CLSTN2: variants seen among roughly 807,000 people sequenced by gnomAD.
CLSTN2 encodes calsyntenin-2.
CLSTN2 carries 48 observed loss-of-function variants against 101.2 expected under a neutral mutation model. That is an observed-to-expected ratio of 0.47 (90% CI 0.38 to 0.60). CLSTN2 has a LOEUF of 0.60. Among genes scored for constraint, CLSTN2 ranks in the 20% least tolerant of loss-of-function variants. The pLI is 0.00. For synonymous variants in CLSTN2, 481 were observed against 463.6 expected, an observed-to-expected ratio of 1.04 and a Z score of -0.48; for missense variants, 1,160 against 1,238.2, an observed-to-expected ratio of 0.94 and a Z score of 0.95.
intron 1 of CLSTN2, among the ~76,000 whole-genome samples, chr3:140,008,232 T>C (rs1429374629): frequency 6.6e-6 from 1 of 152,230 alleles, no homozygotes; most frequent in Non-Finnish European, 1.5e-5. Flanking sequence ...CTGTGCTTCC[T>C]CAAGGGAATA....
At chr3:140,434,880 A>G (rs2088670975) in intron 5 of CLSTN2, among the ~76,000 whole-genome samples, 1 of 151,688 alleles carries the variant, frequency 6.6e-6, no homozygotes, top group Non-Finnish European at 1.5e-5. Context: ...TTTATCTTGA[A>G]TATATTTTTG....
intron 1 of CLSTN2, among the ~76,000 whole-genome samples, chr3:140,112,703 C>T (rs1006688472): frequency 6.6e-6 from 1 of 152,112 alleles, no homozygotes; most frequent in Non-Finnish European, 1.5e-5. Flanking sequence ...AGGATGAACC[C>T]GTGCTGAGAC....
At chr3:140,496,220 G>C (rs1323663450) in intron 8 of CLSTN2, among the ~76,000 whole-genome samples, 1 of 151,968 alleles carries the variant, frequency 6.6e-6, no homozygotes, top group Non-Finnish European at 1.5e-5. Context: ...TATTCTCTTT[G>C]TAGCAATTGT....
intron 2 of CLSTN2, among the ~76,000 whole-genome samples, chr3:140,345,899 T>A (rs776041540): frequency 2.6e-5 from 4 of 152,220 alleles, no homozygotes; most frequent in Non-Finnish European, 5.9e-5. Context: ...CTGTGAATGA[T>A]CATTCTGAAG....
intron 2 of CLSTN2, among the ~76,000 whole-genome samples, chr3:140,331,111 A>C (rs766787239): frequency 1.6e-4 from 25 of 152,202 alleles, no homozygotes; most frequent in Non-Finnish European, 2.8e-4. Flanking sequence ...TGCAGCCCTC[A>C]GTCTGAGGCT....
intron 1 of CLSTN2, among the ~76,000 whole-genome samples, chr3:139,993,114 G>A (rs1219704518): frequency 5.3e-5 from 8 of 152,002 alleles, no homozygotes; most frequent in African/African-American, 1.9e-4. Flanking sequence ...GGGAGGGGGC[G>A]GTCAGTCACT....
rs906292939 is a variant in CLSTN2, at chr3:140,261,759, C to T, written c.232+85686C>T. 7.9e-5 allele frequency among the ~76,000 whole-genome samples: 12 copies of T among 152,138 alleles called. No individual in the cohort carries two copies. The East Asian group carries it at 2.3e-3, about 29-fold the overall frequency. ...GCTAAACATGAGTTTGTACTGATGT[C>T]TTCCATTCTAATGCACTAACACATG... On this transcript the variant is annotated intron_variant, in intron 2 of 16. Transcript: ENST00000458420.
intron 2 of CLSTN2, among the ~76,000 whole-genome samples, chr3:140,212,482 A>G (rs1380311934): frequency 6.6e-6 from 1 of 152,212 alleles, no homozygotes; most frequent in African/African-American, 2.4e-5. Context: ...TGTAAGTAGA[A>G]TGCCTATAGG....
chr3:140,550,308 G>C (rs889557890), intron 10 of CLSTN2, among the ~76,000 whole-genome samples: 13 of 151,400 alleles, frequency 8.6e-5, no homozygotes, highest in African/African-American at 3.2e-4. Flanking sequence ...GGGTAGCATG[G>C]GGAAGATGGG....
At chr3:140,064,318 T>C (rs1177416785) in intron 1 of CLSTN2, among the ~76,000 whole-genome samples, 1 of 152,222 alleles carries the variant, frequency 6.6e-6, no homozygotes, top group Non-Finnish European at 1.5e-5. Context: ...TCTGGTTTCA[T>C]TGCTAATTAT....
chr3:139,969,407 T>G (rs1935656270), intron 1 of CLSTN2, among the ~76,000 whole-genome samples: 1 of 152,204 alleles, frequency 6.6e-6, no homozygotes, highest in African/African-American at 2.4e-5. Context: ...ATCAGTTTCT[T>G]TCTACAGTAG....
intron 1 of CLSTN2, among the ~76,000 whole-genome samples, chr3:140,062,087 G>A (rs1239208994): frequency 6.6e-6 from 1 of 152,148 alleles, no homozygotes; most frequent in Non-Finnish European, 1.5e-5. Context: ...AATTTCAGGT[G>A]AGAACTCAGC....
rs2008884369 is a variant in CLSTN2, at chr3:140,097,236, G to A, written c.110-78715G>A. On this transcript the variant is annotated intron_variant, in intron 1 of 16. Transcript: ENST00000458420. ...GAAGATGCTGAGCCTCAGAGGGTTT[G>A]GGTGACTTATGGAAGATCACAGAAT... 2.0e-5 allele frequency among the ~76,000 whole-genome samples: 3 copies of A among 152,098 alleles called. No individual in the cohort carries two copies. The South Asian group carries it at 6.2e-4, about 32-fold the overall frequency.
chr3:140,339,827 A>G (rs1025302875), intron 2 of CLSTN2, among the ~76,000 whole-genome samples: 1 of 152,312 alleles, frequency 6.6e-6, no homozygotes, highest in Admixed American at 6.5e-5. Flanking sequence ...ATTTGTTCTT[A>G]GTGTTCTTAT....
intron 1 of CLSTN2, among the ~76,000 whole-genome samples, chr3:140,092,932 A>AGGATGAG (rs1256782245): frequency 6.6e-6 from 1 of 152,168 alleles, no homozygotes; most frequent in African/African-American, 2.4e-5. Flanking sequence ...GCCAAGAACA[A>AGGATGAG]GGATGAGGGG....
chr3:139,949,223 C>A (rs999070512), intron 1 of CLSTN2, among the ~76,000 whole-genome samples: 1 of 152,206 alleles, frequency 6.6e-6, no homozygotes, highest in African/African-American at 2.4e-5. Flanking sequence ...CACTAGATTG[C>A]GTTCCTTCTT....
At chr3:140,051,542 TG>T (rs1056168731) in intron 1 of CLSTN2, among the ~76,000 whole-genome samples, 4 of 152,192 alleles carry the variant, frequency 2.6e-5, no homozygotes, top group African/African-American at 9.7e-5. Flanking sequence ...TGCCGTCTGC[TG>T]GCTGCAAGGG....
At chr3:140,089,817 G>C (rs796562630) in intron 1 of CLSTN2, among the ~76,000 whole-genome samples, 1 of 151,394 alleles carries the variant, frequency 6.6e-6, no homozygotes, top group African/African-American at 2.4e-5. Flanking sequence ...TTACCATGTT[G>C]CCCAGGCTAG....
In CLSTN2 at chr3:140,532,414, C is replaced by T; in HGVS notation, c.1435C>T (p.Leu479=). The stretch of plus-strand genomic sequence containing the variant: ...GGATGGAGCAACATATGAACCATAC[C>T]TGGTGACCAACGACTGGCCCATTCA... ...YMDGATYEPY[L]VTNDWPIHPS... The change falls in exon 9 of 17, where the codon CTG becomes TTG. Residue 479 remains leucine (L), a synonymous_variant. Coordinates refer to ENST00000458420, the MANE Select transcript of CLSTN2 (RefSeq NM_022131.3). The T allele has an allele frequency of 6.2e-7, 1 of 1,613,994 alleles. No individual in the cohort carries two copies. The highest frequency in any genetic ancestry group is 1.3e-5 in the African/African-American group (1 of 75,030).
Sources: gnomAD v4.1 joint callset for allele counts (sites outside exome capture counted in the v4.1 genomes callset) on GRCh38, gnomAD v4.1.1 for gene constraint, MANE v1.5 for transcripts, NCBI Gene and HGNC (gene_info 2026-07-23, HGNC 2026-07-21) for gene names.